The following CHST9 variants were observed in gnomAD, a reference collection of about 807,000 sequenced individuals.
The protein encoded by CHST9 is GalNAc-4-sulfotransferase 2.
Under a neutral mutation model 44.4 loss-of-function variants are expected in CHST9, and 41 were observed. That is an observed-to-expected ratio of 0.92 (90% CI 0.72 to 1.20). CHST9 has a LOEUF of 1.20. Ranked by LOEUF, CHST9 falls within the 50% of genes most tolerant of loss-of-function variation. The pLI, the probability that CHST9 is intolerant of heterozygous loss-of-function variation, is 0.00. For synonymous variants in CHST9, 171 were observed against 178.4 expected (o/e 0.96, Z 0.33); for missense variants, 504 against 516.5 (o/e 0.98, Z 0.23).
rs1164621640 is a variant in CHST9, at chr18:27,177,643, T to C, written c.-97+7493A>G. On this transcript the variant is annotated intron_variant, in intron 1 of 5. Transcript: ENST00000618847. ...TTTCTTTTACCACATTAGCTGGGTA[T>C]ATTTTTCCTTTTCTTAACCATATTC... Among the ~76,000 whole-genome samples, 4 of 152,028 alleles carry C rather than the reference T, an allele frequency of 2.6e-5. No homozygotes were observed. In the East Asian group the frequency reaches 7.7e-4, roughly 29 times the overall value.
At chr18:27,159,459 T>C (rs1284640440) in intron 1 of CHST9, among the ~76,000 whole-genome samples, 1 of 152,300 alleles carries the variant, frequency 6.6e-6, no homozygotes, top group East Asian at 1.9e-4. Context: ...TTCTGTTCCA[T>C]TGGTCTATAT....
intron 2 of CHST9, among the ~76,000 whole-genome samples, chr18:27,112,346 T>G (rs2058278753): frequency 6.6e-6 from 1 of 151,372 alleles, no homozygotes; most frequent in Non-Finnish European, 1.5e-5. Flanking sequence ...TTAAATATCT[T>G]AGGGATGGGA....
chr18:27,111,070 C>T (rs2058266784), intron 2 of CHST9, among the ~76,000 whole-genome samples: 1 of 152,220 alleles, frequency 6.6e-6, no homozygotes, highest in African/African-American at 2.4e-5. Context: ...AAATGAGTTG[C>T]TGAAGTCATA....
chr18:26,930,442 C>T (rs2055856570), intron 5 of CHST9, among the ~76,000 whole-genome samples: 1 of 152,180 alleles, frequency 6.6e-6, no homozygotes, highest in Admixed American at 6.5e-5. Context: ...ACTAAGCGAG[C>T]ATCAAATGGA....
At chr18:27,098,295 A>G (rs117532012) in intron 2 of CHST9, among the ~76,000 whole-genome samples, 3 of 152,264 alleles carry the variant, frequency 2.0e-5, no homozygotes, top group Non-Finnish European at 4.4e-5. Flanking sequence ...AATGATTAGA[A>G]AGTCAGGAAA....
At chr18:26,996,073 G>A (rs1021594282) in intron 4 of CHST9, among the ~76,000 whole-genome samples, 1 of 152,168 alleles carries the variant, frequency 6.6e-6, no homozygotes, top group Non-Finnish European at 1.5e-5. Context: ...GAATGGGTCT[G>A]GTCCAATATC....
At chr18:27,149,793 T>C (rs555732805) in intron 1 of CHST9, among the ~76,000 whole-genome samples, 2 of 152,226 alleles carry the variant, frequency 1.3e-5, no homozygotes, top group East Asian at 3.9e-4. Context: ...TTTATCTATA[T>C]CTTAGTGTTT....
At chr18:27,063,714 A>G (rs572841881) in intron 2 of CHST9, among the ~76,000 whole-genome samples, 1 of 152,310 alleles carries the variant, frequency 6.6e-6, no homozygotes, top group Admixed American at 6.5e-5. Context: ...ACATAGCCCC[A>G]ATCTGTCAGT....
At chr18:27,011,903 G>A (rs943171626) in intron 4 of CHST9, among the ~76,000 whole-genome samples, 1 of 152,186 alleles carries the variant, frequency 6.6e-6, no homozygotes, top group South Asian at 2.1e-4. Context: ...CACTGGATCC[G>A]AAGTTTAGAT....
rs1442926871 is a variant in CHST9, at chr18:26,906,759, C to G, written c.*9500G>C. 2 of 152,194 alleles carry G rather than the reference C, an allele frequency of 1.3e-5. No individual in the cohort carries two copies. Among genetic ancestry groups the G allele is most frequent in the Non-Finnish European group, 2.9e-5 (2 of 68,058 alleles). 9.4% of individuals were successfully genotyped at this position (152,194 alleles called of 1,614,324 possible). A position where few individuals can be genotyped will look rare whatever the true frequency, so the allele number is the denominator to read the frequency against. ...TAGTACTCAGGGCAGAGCATCTCAT[C>G]TGAGCCAGGCAGAGATGACAAATGC... On this transcript the variant is annotated 3_prime_UTR_variant, in exon 6 of 6. Transcript: ENST00000618847.
rs1758721226 is a variant in CHST9 at position 26,911,451 on chromosome 18, G to C, written c.*4808C>G. Reference sequence around the variant, plus strand: ...TTTATTGGTAAGAGAATAATCTGATGCATGTTACACCAGGGGAAAACTCTG... The same window carrying C: ...TTTATTGGTAAGAGAATAATCTGATCCATGTTACACCAGGGGAAAACTCTG... On this transcript the variant is annotated 3_prime_UTR_variant, in exon 6 of 6. Coordinates refer to ENST00000618847, the MANE Select transcript of CHST9 (RefSeq NM_031422.6). 1 of 152,196 alleles carries C rather than the reference G, an allele frequency of 6.6e-6. No homozygotes were observed. The highest frequency in any genetic ancestry group is 2.4e-5 in the African/African-American group (1 of 41,458). 9.4% of individuals were successfully genotyped at this position (152,196 alleles called of 1,614,324 possible).
At chr18:27,089,378 T>C (rs1193018266) in intron 2 of CHST9, among the ~76,000 whole-genome samples, 1 of 149,482 alleles carries the variant, frequency 6.7e-6, no homozygotes, top group Non-Finnish European at 1.5e-5. Flanking sequence ...TGGGTGAGAA[T>C]GTGCGGTGTT....
chr18:27,022,507 A>T (rs1008390028), intron 4 of CHST9, among the ~76,000 whole-genome samples: 1 of 152,186 alleles, frequency 6.6e-6, no homozygotes, highest in African/African-American at 2.4e-5. Flanking sequence ...GTTTTCGACC[A>T]CTTAAAGGGT....
At chr18:27,021,888 T>C (rs1407568091) in intron 4 of CHST9, among the ~76,000 whole-genome samples, 4 of 152,174 alleles carry the variant, frequency 2.6e-5, no homozygotes, top group African/African-American at 9.7e-5. Context: ...ACAATAATCA[T>C]CACACACTAC....
intron 3 of CHST9, among the ~76,000 whole-genome samples, chr18:27,030,638 A>G (rs1010552069): frequency 6.6e-6 from 1 of 152,140 alleles, no homozygotes; most frequent in South Asian, 2.1e-4. Flanking sequence ...CATGTGCCAG[A>G]CCCCCTGTGC....
intron 2 of CHST9, among the ~76,000 whole-genome samples, chr18:27,078,712 T>C (rs1406840366): frequency 6.6e-6 from 1 of 152,082 alleles, no homozygotes. Context: ...TCCATCTCCA[T>C]CCTCTTGTCA....
At chr18:27,162,573 G>A (rs1023886936) in intron 1 of CHST9, among the ~76,000 whole-genome samples, 5 of 152,092 alleles carry the variant, frequency 3.3e-5, no homozygotes, top group African/African-American at 4.8e-5. Context: ...TGGTGAATCT[G>A]ACAATTATGT....
chr18:27,101,515 C>G (rs1358042447), intron 2 of CHST9, among the ~76,000 whole-genome samples: 1 of 151,760 alleles, frequency 6.6e-6, no homozygotes, highest in Non-Finnish European at 1.5e-5. Flanking sequence ...GGGGCTGAGG[C>G]CGGAGAATGG....
At chr18:26,994,798 A>G (rs1598623040) in intron 4 of CHST9, among the ~76,000 whole-genome samples, 1 of 152,234 alleles carries the variant, frequency 6.6e-6, no homozygotes, top group South Asian at 2.1e-4. Flanking sequence ...CACGTTGCCC[A>G]GGCTGGTATC....
Sources: allele counts gnomAD v4.1 joint callset (sites outside exome capture counted in the v4.1 genomes callset), GRCh38; gene constraint gnomAD v4.1.1; transcripts MANE v1.5; gene names NCBI Gene and HGNC (gene_info 2026-07-23, HGNC 2026-07-21).